The following LAMA5 variants were observed in gnomAD, a reference collection of about 807,000 sequenced individuals.
LAMA5 encodes the protein laminin subunit alpha 5.
A neutral mutation model predicts 433.4 loss-of-function variants in LAMA5; 260 were observed. That is an observed-to-expected ratio of 0.60 (90% CI 0.54 to 0.66). The LOEUF (loss-of-function observed/expected upper bound fraction) is 0.66. LAMA5 is among the 30% of genes least tolerant of loss of function. The pLI, the probability that LAMA5 is intolerant of heterozygous loss-of-function variation, is 0.00. For missense variants in LAMA5, 5,378 were observed against 5,258.5 expected (o/e 1.02, Z -0.70); for synonymous variants, 2,620 against 2,226.6 (o/e 1.18, Z -4.97).
Position 62,338,218 on chromosome 20 carries a change from G to A in LAMA5, c.1756+14C>T, listed in dbSNP as rs377379778. On this transcript the variant is annotated intron_variant, in intron 13 of 79. Coordinates refer to ENST00000252999, the MANE Select transcript of LAMA5 (RefSeq NM_005560.6). ...CCTCCCCTACCCACGCCCACGTGGA[G>A]AGGCACCACTCACACTGGCAGAGAG... 29 of 1,585,222 alleles carry A rather than the reference G, an allele frequency of 1.8e-5. No homozygotes were observed. The East Asian group carries it at 6.1e-4, about 33-fold the overall frequency.
chr20:62,324,352 C>T lies in LAMA5; in HGVS notation c.5643+89G>A. The stretch of plus-strand genomic sequence containing the variant: ...ACACCCTTCCCCAGACCTCAGTTGA[C>T]CTGGAAGTGCAGCCCCTGGTCTTCC... On this transcript the variant is annotated intron_variant, in intron 42 of 79. Transcript: ENST00000252999. The surrounding 1 kb of genome is among the most constrained non-coding windows in gnomAD (Gnocchi z 4.4). The T allele has an allele frequency of 1.4e-6, 2 of 1,426,938 alleles. No individual in the cohort carries two copies. Among genetic ancestry groups the T allele is most frequent in the South Asian group, 2.4e-5 (2 of 82,486 alleles). The allele number at this position is 1,426,938 out of a possible 1,614,324, so 88.4% of individuals were successfully genotyped here.
intron 11 of LAMA5, among the ~76,000 whole-genome samples, chr20:62,340,538 C>A (rs1321011990): frequency 1.3e-5 from 2 of 151,338 alleles, no homozygotes; most frequent in Non-Finnish European, 3.0e-5. Flanking sequence ...CTCGAACTCC[C>A]GACCTCAGGT....
chr20:62,345,153 G>A (rs1255224519), intron 11 of LAMA5, among the ~76,000 whole-genome samples: 2 of 151,958 alleles, frequency 1.3e-5, no homozygotes, highest in Non-Finnish European at 1.5e-5. Flanking sequence ...GAGTAGCTGG[G>A]ATTACAGGTG....
Position 62,317,707 on chromosome 20 carries a change from C to T in LAMA5, c.7311G>A (p.Leu2437=). The T allele has an allele frequency of 1.2e-6, 2 of 1,604,776 alleles. No homozygotes were observed. The highest frequency in any genetic ancestry group is 1.7e-6 in the Non-Finnish European group (2 of 1,176,472). The change falls in exon 54 of 80, where the codon CTG becomes CTA. Residue 2437 remains leucine, a synonymous_variant. Coordinates refer to ENST00000252999, the MANE Select transcript of LAMA5 (RefSeq NM_005560.6). ...TGTGCAGCAATCTGAAGACGCTGGC[C>T]AGGGTGTCCCTAGCCGCATGCAGAG... The part of the protein sequence containing the change: ...QATLHAARDT[L]ASVFRLLHSL...
chr20:62,312,123 C>T lies in LAMA5; in HGVS notation c.9504+50G>A, dbSNP rs545709057. 9.9e-6 allele frequency: 16 copies of T among 1,609,622 alleles called. No homozygotes were observed. The South Asian group carries it at 1.6e-4, about 17-fold the overall frequency. ...ATTCCAGACACCCCAGTCCCAACTG[C>T]TCCGACGGCCACCGCGGGGTGGGGA... On this transcript the variant is annotated intron_variant, in intron 69 of 79. Transcript: ENST00000252999.
intron 36 of LAMA5, 75 bp downstream of exon 36, chr20:62,327,791 C>A (rs932384303): frequency 6.4e-7 from 1 of 1,570,090 alleles, no homozygotes; most frequent in Admixed American, 1.8e-5. Context: ...CCAGCTGCCC[C>A]GAAAGGCCCG....
intron 2 of LAMA5, chr20:62,356,336 G>GAGC (rs1311419498): frequency 6.6e-6 from 1 of 152,492 alleles, no homozygotes; most frequent in Non-Finnish European, 1.5e-5. Flanking sequence ...CCATGACCCG[G>GAGC]AGCGAGCGCA....
Position 62,317,355 on chromosome 20 carries a change from T to G in LAMA5, c.7501A>C (p.Asn2501His). The G allele has an allele frequency of 6.2e-7, 1 of 1,607,550 alleles. No individual in the cohort carries two copies. Among genetic ancestry groups the G allele is most frequent in the Non-Finnish European group, 8.5e-7 (1 of 1,178,678 alleles). ...CTCCTGGCCACCCACCTGGACAGATTGAGTGCCAGCTGGCCCAGCTGCTGT... is the reference window on the plus strand; with the variant it reads ...CTCCTGGCCACCCACCTGGACAGATGGAGTGCCAGCTGGCCCAGCTGCTGT... Reference protein sequence around the residue: ...HAQQLGQLALNLSSIILDVNQ... With the variant: ...HAQQLGQLALHLSSIILDVNQ... Residue 2501 changes from asparagine to histidine, a missense_variant, in exon 55 of 80, where the codon AAT (asparagine) becomes CAT (histidine). Asn to His is a moderately conservative substitution (Grantham distance 68, BLOSUM62 1). Transcript: ENST00000252999.
intron 58 of LAMA5, among the ~76,000 whole-genome samples, chr20:62,315,629 G>A (rs189316219): frequency 1.9e-3 from 284 of 152,256 alleles, no homozygotes; most frequent in Non-Finnish European, 3.5e-3. Flanking sequence ...TTCCAGCCAC[G>A]CTGACCACTG....
Position 62,318,534 on chromosome 20 carries a change from C to T in LAMA5, c.7159G>A (p.Ala2387Thr), listed in dbSNP as rs1196366470. ...GTGGCGTCCACTGCCCGGTTCAAAG[C>T]CTCTCGCAGGTCCATGAGGCCGGCC... is the stretch of plus-strand genomic sequence containing the variant. ...HEAGLMDLRE[A>T]LNRAVDATRE... The change falls in exon 53 of 80, where the codon GCT becomes ACT. Residue 2387 changes from alanine to threonine, a missense_variant. By Grantham distance (58) the Ala-to-Thr change is moderately conservative. Coordinates refer to ENST00000252999, the MANE Select transcript of LAMA5 (RefSeq NM_005560.6). 1 of 1,609,850 alleles carries T rather than the reference C, an allele frequency of 6.2e-7. No individual in the cohort carries two copies. The highest frequency in any genetic ancestry group is 8.5e-7 in the Non-Finnish European group (1 of 1,179,096).
Position 62,359,764 on chromosome 20 carries a change from G to A in LAMA5, c.450+2636C>T, listed in dbSNP as rs1004458189. Among the ~76,000 whole-genome samples, 5 of 151,984 alleles carry A rather than the reference G, an allele frequency of 3.3e-5. No individual in the cohort carries two copies. The highest frequency in any genetic ancestry group is 9.7e-5 in the African/African-American group (4 of 41,372). ...AGGAGCCCAGCTGGCACTCCCGGGG[G>A]CCCAGGCTCAGCTGCTTCTGGGTGG... On this transcript the variant is annotated intron_variant, in intron 2 of 79. Transcript: ENST00000252999. The surrounding 1 kb of genome is among the most constrained non-coding windows in gnomAD (Gnocchi z 4.3).
chr20:62,309,935 C>T, intron 78 of LAMA5, 53 bp downstream of exon 78: 1 of 1,605,890 alleles, frequency 6.2e-7, no homozygotes, highest in South Asian at 1.1e-5. Context: ...CTGGCTCCCG[C>T]TCTGCAGAAG....
intron 73 of LAMA5, 27 bp from the exon 74 acceptor site, chr20:62,311,121 C>CCGCA (rs764729462): frequency 5.1e-6 from 8 of 1,562,650 alleles, no homozygotes; most frequent in Non-Finnish European, 6.9e-6. Flanking sequence ...CGTCAGCCTG[C>CCGCA]GCGGCCCCTC....
intron 17 of LAMA5, 115 bp from the exon 18 acceptor site, chr20:62,336,560 C>T: frequency 8.8e-7 from 1 of 1,137,108 alleles, no homozygotes; most frequent in East Asian, 2.4e-5. Flanking sequence ...TCACCTGTGA[C>T]TCACAGGAGT....
rs1158367334 is a variant in LAMA5 at position 62,346,693 on chromosome 20, T to C, written c.1180A>G (p.Ile394Val). 3.1e-6 allele frequency: 5 copies of C among 1,613,054 alleles called. No homozygotes were observed. Among genetic ancestry groups the C allele is most frequent in the African/African-American group, 2.7e-5 (2 of 74,904 alleles). Residue 394 changes from isoleucine (I) to valine (V), a missense_variant, in exon 8 of 80, where the codon ATC becomes GTC. By Grantham distance (29) the Ile-to-Val change is conservative. Transcript: ENST00000252999. ...DGTYQGGGVCIDCQHHTTGVN... is the reference protein window; with the variant it reads ...DGTYQGGGVCVDCQHHTTGVN... Reference sequence around the variant, plus strand: ...CTAGCCCAGCCCACCTGGCAGTCGATACAGACACCCCCACCCTGATAGGTG... The same window carrying C: ...CTAGCCCAGCCCACCTGGCAGTCGACACAGACACCCCCACCCTGATAGGTG...
chr20:62,349,226 G>A (rs1358103511), intron 6 of LAMA5, among the ~76,000 whole-genome samples: 45 of 137,434 alleles, frequency 3.3e-4, no homozygotes, highest in African/African-American at 1.1e-3. Context: ...AGCCGAGATC[G>A]TGCCACTGCA....
At chr20:62,339,617 GTT>G (rs11204471) in intron 11 of LAMA5, among the ~76,000 whole-genome samples, 1 of 152,004 alleles carries the variant, frequency 6.6e-6, no homozygotes, top group African/African-American at 2.4e-5. Context: ...GCACGCTTCA[GTT>G]TTGTTACTGA....
rs1226023824 is a variant in LAMA5 at position 62,311,497 on chromosome 20, G to T, written c.9846C>A (p.Asn3282Lys). 6.2e-7 allele frequency: 1 copy of T among 1,611,168 alleles called. No homozygotes were observed. Among genetic ancestry groups the T allele is most frequent in the African/African-American group, 1.3e-5 (1 of 75,014 alleles). Reference protein sequence around the residue: ...GPQRVFDLQQNLGSVNVSTGC... With the variant: ...GPQRVFDLQQKLGSVNVSTGC... ...CCGTGCTCACATTGACGCTGCCCAG[G>T]TTCTGCTGCAGATCAAATACGCGCT... The change falls in exon 72 of 80, where the codon AAC becomes AAA. Residue 3282 changes from asparagine (N) to lysine (K), a missense_variant. Coordinates refer to ENST00000252999, the MANE Select transcript of LAMA5 (RefSeq NM_005560.6).
At position 62,330,503 on chromosome 20, in the gene LAMA5, C is replaced by T. The variant is rs150741810; in HGVS notation, c.3964G>A (p.Gly1322Ser). 5.1e-4 allele frequency: 792 copies of T among 1,559,246 alleles called. No homozygotes were observed. Among genetic ancestry groups the T allele is most frequent in the Non-Finnish European group, 6.1e-4 (702 of 1,151,432 alleles). The change falls in exon 31 of 80, where the codon GGC (glycine) becomes AGC (serine). Residue 1322 changes from glycine (G) to serine (S), a missense_variant. Physicochemically the swap from Gly to Ser is moderately conservative, Grantham distance 56. Transcript: ENST00000252999. ...TFPVEVLINA[G>S]RVWQGHANAS... is the part of the protein sequence containing the mutation. ...AGACACTCACCCTGCCACACGCGGC[C>T]GGCGTTGATGAGGACTTCCACGGGG...
Sources: gnomAD v4.1 joint callset for allele counts (sites outside exome capture counted in the v4.1 genomes callset) on GRCh38, gnomAD v4.1.1 for gene constraint, Gnocchi (gnomAD v3.1) non-coding constraint, MANE v1.5 for transcripts, NCBI Gene and HGNC (gene_info 2026-07-23, HGNC 2026-07-21) for gene names.